RANBP17: variants seen among roughly 807,000 people sequenced by gnomAD.
RANBP17 encodes ran-binding protein 17.
A neutral mutation model predicts 141.2 loss-of-function variants in RANBP17; 158 were observed. The ratio of observed to expected loss-of-function variants is 1.12; its 90% CI spans 0.98 to 1.28. RANBP17 has a LOEUF of 1.28. RANBP17 is among the 50% of genes most tolerant of loss of function. The pLI is 0.00. For missense variants in RANBP17, 1,438 were observed against 1,290.7 expected (o/e 1.11, Z -1.75); for synonymous variants, 430 against 450.0 (o/e 0.96, Z 0.56).
Position 171,105,381 on chromosome 5 carries a change from C to CAAA in RANBP17, c.1711-64726_1711-64724dup, listed in dbSNP as rs1167025699. On this transcript the variant is annotated intron_variant, in intron 14 of 27. Coordinates refer to ENST00000523189, the MANE Select transcript of RANBP17 (RefSeq NM_022897.5). ...TGGGCGACAGAGCGAGACTCCGTCT[C>CAAA]AAAAAAAAAAAAAAAAAAAAAAAAA... is the stretch of plus-strand genomic sequence containing the variant. Among the ~76,000 whole-genome samples, 201 of 54,034 alleles carry CAAA rather than the reference C, an allele frequency of 3.7e-3. 6 individuals carry two copies. Among genetic ancestry groups the CAAA allele is most frequent in the African/African-American group, 0.01 (128 of 12,334 alleles). The allele number at this position is 54,034 out of a possible 152,430, so 35.4% of individuals were successfully genotyped here.
chr5:171,023,675 A>G (rs1488735238), intron 14 of RANBP17, among the ~76,000 whole-genome samples: 1 of 152,128 alleles, frequency 6.6e-6, no homozygotes, highest in Non-Finnish European at 1.5e-5. Flanking sequence ...AGTGTATTCC[A>G]CTGTCATCTG....
rs755062162 is a variant in RANBP17 at position 170,892,459 on chromosome 5, T to A, written c.329T>A (p.Val110Asp). 2 of 1,614,082 alleles carry A rather than the reference T, an allele frequency of 1.2e-6. No homozygotes were observed. The highest frequency in any genetic ancestry group is 4.5e-5 in the East Asian group (2 of 44,878). Reference protein sequence around the residue: ...APFVIQALIQVIAKITKLGWF... With the variant: ...APFVIQALIQDIAKITKLGWF... ...TTTGTCATCCAAGCTCTTATTCAAG[T>A]CATTGCTAAAATCACTAAGTTGGGG... Residue 110 changes from valine (V) to aspartate (D), a missense_variant, in exon 4 of 28, where the codon GTC becomes GAC. Transcript: ENST00000523189.
chr5:171,138,624 C>T (rs1359868679), intron 14 of RANBP17, among the ~76,000 whole-genome samples: 1 of 151,328 alleles, frequency 6.6e-6, no homozygotes, highest in Non-Finnish European at 1.5e-5. Flanking sequence ...GGACACAAAA[C>T]TCCACCTGAA....
At chr5:171,129,627 G>C (rs562724754) in intron 14 of RANBP17, among the ~76,000 whole-genome samples, 1 of 152,284 alleles carries the variant, frequency 6.6e-6, no homozygotes, top group East Asian at 1.9e-4. Context: ...TTAACCAGTG[G>C]CCACCAAAGC....
At chr5:171,132,063 A>G (rs1276429281) in intron 14 of RANBP17, among the ~76,000 whole-genome samples, 2 of 152,178 alleles carry the variant, frequency 1.3e-5, no homozygotes, top group Admixed American at 6.5e-5. Context: ...TAGTTTCTCC[A>G]TGGAGCCAAG....
At chr5:171,156,396 A>T (rs533385393) in intron 14 of RANBP17, among the ~76,000 whole-genome samples, 4 of 152,134 alleles carry the variant, frequency 2.6e-5, no homozygotes, top group Non-Finnish European at 5.9e-5. Context: ...TACCATTTTG[A>T]TGTGTGAAAT....
intron 13 of RANBP17, 24 bp downstream of exon 13, chr5:170,953,726 C>T (rs1169137159): frequency 7.0e-7 from 1 of 1,432,834 alleles, no homozygotes; most frequent in African/African-American, 1.4e-5. Context: ...ATGTAATTTA[C>T]TGAAATTCAC....
intron 25 of RANBP17, among the ~76,000 whole-genome samples, chr5:171,274,017 C>T (rs912668862): frequency 6.6e-6 from 1 of 151,660 alleles, no homozygotes; most frequent in Non-Finnish European, 1.5e-5. Context: ...AATAAACAGG[C>T]GATGAAGTGA....
chr5:171,096,389 G>A (rs889857540), intron 14 of RANBP17, among the ~76,000 whole-genome samples: 2 of 152,168 alleles, frequency 1.3e-5, no homozygotes, highest in Non-Finnish European at 2.9e-5. Flanking sequence ...CACTAATGAA[G>A]TCATTGAATT....
rs140128220 is a variant in RANBP17, at chr5:171,217,338, C to T, written c.2339+3600C>T. Among the ~76,000 whole-genome samples, 1,388 of 152,154 alleles carry T rather than the reference C, an allele frequency of 9.1e-3. 21 individuals are homozygous for T. The highest frequency in any genetic ancestry group is 0.031 in the African/African-American group (1,286 of 41,516). ...AGTATTTTATTGAGGATTTTCACGT[C>T]GATGTTCATCAGGGATATTGGCCTG... On this transcript the variant is annotated intron_variant, in intron 21 of 27. Coordinates refer to ENST00000523189, the MANE Select transcript of RANBP17 (RefSeq NM_022897.5).
At chr5:171,169,596 G>A (rs1359690183) in intron 14 of RANBP17, among the ~76,000 whole-genome samples, 2 of 152,114 alleles carry the variant, frequency 1.3e-5, no homozygotes, top group African/African-American at 4.8e-5. Context: ...AAAGTAAGAC[G>A]TACCTGTATA....
intron 14 of RANBP17, among the ~76,000 whole-genome samples, chr5:171,154,589 T>A (rs1758725376): frequency 6.6e-6 from 1 of 152,178 alleles, no homozygotes; most frequent in Non-Finnish European, 1.5e-5. Context: ...CAAGATTATT[T>A]TATGTATATT....
At chr5:171,037,351 C>T (rs778232539) in intron 14 of RANBP17, among the ~76,000 whole-genome samples, 157 of 151,972 alleles carry the variant, frequency 1.0e-3, no homozygotes, top group Middle Eastern at 3.4e-3. Flanking sequence ...TATTAGACTT[C>T]TGTTGTATGT....
At chr5:171,032,533 A>G (rs1313322970) in intron 14 of RANBP17, among the ~76,000 whole-genome samples, 2 of 152,142 alleles carry the variant, frequency 1.3e-5, no homozygotes, top group Non-Finnish European at 2.9e-5. Flanking sequence ...GTGAACTTTT[A>G]TATAGGAAGA....
At chr5:171,090,740 C>G (rs1786191884) in intron 14 of RANBP17, among the ~76,000 whole-genome samples, 1 of 152,140 alleles carries the variant, frequency 6.6e-6, no homozygotes, top group South Asian at 2.1e-4. Flanking sequence ...CCCAGTCACT[C>G]CAGCTGTGAT....
intron 14 of RANBP17, among the ~76,000 whole-genome samples, chr5:171,100,141 C>T (rs575335322): frequency 2.0e-5 from 3 of 152,300 alleles, no homozygotes; most frequent in Admixed American, 2.0e-4. Context: ...GGAGCAGTCC[C>T]TCTTTTTCTA....
chr5:171,198,021 A>G lies in RANBP17; in HGVS notation c.2039-1649A>G, dbSNP rs1762078096. ...GCCACTGCACTCCAGCCTGGATGAC[A>G]GAGCAAGACTCCGTCTCAAAACAAG... On this transcript the variant is annotated intron_variant, in intron 18 of 27. Coordinates refer to ENST00000523189, the MANE Select transcript of RANBP17 (RefSeq NM_022897.5). Among the ~76,000 whole-genome samples the G allele has an allele frequency of 1.3e-5, 2 of 152,242 alleles. 1 individual carries two copies. Among genetic ancestry groups the G allele is most frequent in the South Asian group, 4.1e-4 (2 of 4,830 alleles).
chr5:171,153,181 CAGA>C (rs1269157942), intron 14 of RANBP17, among the ~76,000 whole-genome samples: 1 of 152,078 alleles, frequency 6.6e-6, no homozygotes, highest in Non-Finnish European at 1.5e-5. Flanking sequence ...TTTATGGTGA[CAGA>C]AGGAGAGAAA....
intron 5 of RANBP17, among the ~76,000 whole-genome samples, chr5:170,905,124 G>C (rs1770972714): frequency 6.6e-6 from 1 of 152,040 alleles, no homozygotes; most frequent in Admixed American, 6.6e-5. Context: ...ATGGCTCCTA[G>C]TTTGGATTTT....
Sources: allele counts gnomAD v4.1 joint callset (sites outside exome capture counted in the v4.1 genomes callset), GRCh38; gene constraint gnomAD v4.1.1; transcripts MANE v1.5; gene names NCBI Gene and HGNC (gene_info 2026-07-23, HGNC 2026-07-21).